URM1: variants seen among roughly 807,000 people sequenced by gnomAD.
URM1 encodes ubiquitin-related modifier 1.
Under a neutral mutation model 17.7 loss-of-function variants are expected in URM1, and 11 were observed. That is an observed-to-expected ratio of 0.62 (90% CI 0.39 to 1.03). URM1 has a LOEUF of 1.03. Among genes scored for constraint, URM1 ranks in the 50% least tolerant of loss-of-function variants. The probability of loss-of-function intolerance (pLI) is 0.00; values close to 1 mark genes in which losing one functional copy is unlikely to be tolerated. For synonymous variants in URM1, 48 were observed against 50.6 expected, an observed-to-expected ratio of 0.95 and a Z score of 0.22; for missense variants, 128 against 129.2, an observed-to-expected ratio of 0.99 and a Z score of 0.04.
In URM1 at chr9:128,387,222, C is replaced by T. The variant is rs575267195; in HGVS notation, c.107-594C>T. The stretch of plus-strand genomic sequence containing the variant: ...GGGCTCTGGAAGCACAGGGTGGTGG[C>T]AGGGGAGTGGAGCAGGGATTTGTCA... On this transcript the variant is annotated intron_variant, in intron 2 of 4. Transcript: ENST00000372853. This position sits in a 1 kb window ranked among gnomAD's most constrained non-coding sequence, Gnocchi z 4.3. Among the ~76,000 whole-genome samples the T allele has an allele frequency of 1.3e-5, 2 of 152,368 alleles. No individual in the cohort carries two copies. The highest frequency in any genetic ancestry group is 4.1e-4 in the South Asian group (2 of 4,832).
chr9:128,372,531 G>A (rs990079641), intron 1 of URM1, among the ~76,000 whole-genome samples: 5 of 152,158 alleles, frequency 3.3e-5, no homozygotes, highest in African/African-American at 4.8e-5. Context: ...AAGTCTGTCC[G>A]TGCCCTACAG....
intron 2 of URM1, among the ~76,000 whole-genome samples, chr9:128,381,656 C>T (rs138631617): frequency 2.1e-4 from 32 of 152,364 alleles, no homozygotes; most frequent in African/African-American, 6.3e-4. Flanking sequence ...CACTGCACTC[C>T]AGCCTGGGCG....
At chr9:128,378,172 C>A in intron 2 of URM1, 66 bp downstream of exon 2, 1 of 1,181,560 alleles carries the variant, frequency 8.5e-7, no homozygotes, top group Non-Finnish European at 1.2e-6. Flanking sequence ...ATGGGGAACA[C>A]TCAGCCCCGT....
Position 128,371,378 on chromosome 9 carries a change from A to G in URM1, c.-3A>G. The G allele has an allele frequency of 6.2e-7, 1 of 1,613,062 alleles. No homozygotes were observed. The highest frequency in any genetic ancestry group is 8.5e-7 in the Non-Finnish European group (1 of 1,179,436). On this transcript the variant is annotated 5_prime_UTR_variant, in exon 1 of 5. Coordinates refer to ENST00000372853, the MANE Select transcript of URM1 (RefSeq NM_030914.4). ...AGTTTCCTGCGAGCTCGGCTTCCTC[A>G]ACATGGCTGCGCCCTTGTCAGTGGA...
chr9:128,375,676 C>T (rs536326814), intron 1 of URM1, among the ~76,000 whole-genome samples: 86 of 152,296 alleles, frequency 5.6e-4, no homozygotes, highest in South Asian at 1.5e-3. Context: ...CCTCCCACCT[C>T]AGCCTCCCAA....
chr9:128,372,134 C>T lies in URM1; in HGVS notation c.35+719C>T, dbSNP rs76676193. ...TCTACCCAAGGCACTATTTGTGCTT[C>T]CTACAAACAGGTTTGTCATATGGTT... On this transcript the variant is annotated intron_variant, in intron 1 of 4. Coordinates refer to ENST00000372853, the MANE Select transcript of URM1 (RefSeq NM_030914.4). Among the ~76,000 whole-genome samples, 85 of 152,288 alleles carry T rather than the reference C, an allele frequency of 5.6e-4. No individual in the cohort carries two copies. The East Asian group carries it at 0.016, about 28-fold the overall frequency.
At chr9:128,383,077 G>A (rs995356405) in intron 2 of URM1, among the ~76,000 whole-genome samples, 6 of 152,212 alleles carry the variant, frequency 3.9e-5, no homozygotes, top group Admixed American at 1.3e-4. Context: ...GCTCCTGGGC[G>A]CTTTAAACTG....
chr9:128,385,471 C>G (rs1009852735), intron 2 of URM1, among the ~76,000 whole-genome samples: 2 of 152,076 alleles, frequency 1.3e-5, no homozygotes, highest in Admixed American at 1.3e-4. Flanking sequence ...CATGATCACA[C>G]GGGATCCCAG....
intron 2 of URM1, among the ~76,000 whole-genome samples, chr9:128,380,639 C>CTT (rs112510172): frequency 5.8e-5 from 8 of 137,646 alleles, no homozygotes; most frequent in East Asian, 2.1e-4. Context: ...TTTTTCTTTT[C>CTT]TTTTTTTTTT....
chr9:128,380,601 G>A (rs957993667), intron 2 of URM1, among the ~76,000 whole-genome samples: 1 of 151,158 alleles, frequency 6.6e-6, no homozygotes, highest in African/African-American at 2.4e-5. Flanking sequence ...GAGTTTGTCT[G>A]ACATGAAAAC....
At chr9:128,386,233 G>C (rs1833226150) in intron 2 of URM1, among the ~76,000 whole-genome samples, 1 of 152,206 alleles carries the variant, frequency 6.6e-6, no homozygotes, top group Non-Finnish European at 1.5e-5. Flanking sequence ...CTATCGAGCA[G>C]CCACAAGATG....
intron 1 of URM1, among the ~76,000 whole-genome samples, chr9:128,373,179 C>T (rs1833034364): frequency 7.0e-6 from 1 of 143,204 alleles, no homozygotes; most frequent in African/African-American, 2.6e-5. Flanking sequence ...TTCCTCCACC[C>T]ACCCACCCAC....
intron 2 of URM1, among the ~76,000 whole-genome samples, chr9:128,382,230 A>T (rs969517298): frequency 6.6e-6 from 1 of 152,112 alleles, no homozygotes; most frequent in African/African-American, 2.4e-5. Context: ...GCCCAGAGGC[A>T]TGGGTCACAC....
At chr9:128,382,775 A>T (rs1217619845) in intron 2 of URM1, among the ~76,000 whole-genome samples, 1 of 152,204 alleles carries the variant, frequency 6.6e-6, no homozygotes, top group Non-Finnish European at 1.5e-5. Flanking sequence ...AATTCGGTGA[A>T]GCAGAGTGTG....
In URM1 at chr9:128,379,474, C is replaced by T. The variant is rs1042518833; in HGVS notation, c.106+1368C>T. Among the ~76,000 whole-genome samples the T allele has an allele frequency of 5.4e-5, 8 of 148,956 alleles. No individual in the cohort carries two copies. In the South Asian group the frequency reaches 1.3e-3, roughly 24 times the overall value. ...AGCCTGGGCAACAAGAGCAAGACTC[C>T]GTCTCAAAAAAAGAAAAAGAAATAA... On this transcript the variant is annotated intron_variant, in intron 2 of 4. Coordinates refer to ENST00000372853, the MANE Select transcript of URM1 (RefSeq NM_030914.4).
At chr9:128,383,976 G>T (rs1220296623) in intron 2 of URM1, among the ~76,000 whole-genome samples, 1 of 152,172 alleles carries the variant, frequency 6.6e-6, no homozygotes, top group Non-Finnish European at 1.5e-5. Flanking sequence ...GTCACTGTGG[G>T]CTTACAGCTC....
Position 128,380,007 on chromosome 9 carries a change from A to G in URM1, c.106+1901A>G, listed in dbSNP as rs117672158. Among the ~76,000 whole-genome samples, 704 of 152,190 alleles carry G rather than the reference A, an allele frequency of 4.6e-3. 19 individuals carry two copies. The highest frequency in any genetic ancestry group is 9.8e-3 in the East Asian group (51 of 5,186). On this transcript the variant is annotated intron_variant, in intron 2 of 4. Transcript: ENST00000372853. ...ATGCACCTGTGTTCCTAGCTGTTTT[A>G]GAAGCTGATGCTGAAGGATTGCTTG...
At chr9:128,371,533 T>C in intron 1 of URM1, 118 bp downstream of exon 1, 1 of 1,021,990 alleles carries the variant, frequency 9.8e-7, no homozygotes, top group Non-Finnish European at 1.5e-6. Flanking sequence ...GTGCCCGCTG[T>C]GAGCTACGCT....
rs1427668590 is a variant in URM1, at chr9:128,389,255, C to G, written c.189-6C>G. On this transcript the variant is annotated splice_region_variant and splice_polypyrimidine_tract_variant and intron_variant, in intron 3 of 4. Transcript: ENST00000372853. ...TCCTTGCTACTCACCACCATCTTTC[C>G]CACAGGCGGCCAGGAATTCTGGTGC... The G allele has an allele frequency of 6.3e-7, 1 of 1,592,316 alleles. No individual in the cohort carries two copies. The highest frequency in any genetic ancestry group is 1.1e-5 in the South Asian group (1 of 87,556).
Sources: gnomAD v4.1 joint callset for allele counts (sites outside exome capture counted in the v4.1 genomes callset) on GRCh38, gnomAD v4.1.1 for gene constraint, Gnocchi (gnomAD v3.1) non-coding constraint, MANE v1.5 for transcripts, NCBI Gene and HGNC (gene_info 2026-07-23, HGNC 2026-07-21) for gene names.